The following SLC12A5 variants were observed in gnomAD, a reference collection of about 807,000 sequenced individuals.
SLC12A5 encodes solute carrier family 12 member 5.
A neutral mutation model predicts 124.0 loss-of-function variants in SLC12A5; 18 were observed. The observed-to-expected ratio is 0.15, with a 90% confidence interval of 0.10 to 0.22. SLC12A5 has a LOEUF of 0.22. Ranked by LOEUF, SLC12A5 falls within the 10% of genes least tolerant of loss-of-function variation. The pLI, the probability that SLC12A5 is intolerant of heterozygous loss-of-function variation, is 1.00. For synonymous variants in SLC12A5, 589 were observed against 568.0 expected (o/e 1.04, Z -0.53); for missense variants, 867 against 1,478.7 (o/e 0.59, Z 6.78).
chr20:46,039,389 A>T (rs2084525379), intron 6 of SLC12A5, among the ~76,000 whole-genome samples: 1 of 152,242 alleles, frequency 6.6e-6, no homozygotes, highest in South Asian at 2.1e-4. Flanking sequence ...ACACATTTAT[A>T]AAAATGAGAT....
chr20:46,039,891 AC>A (rs1191820197), intron 6 of SLC12A5, among the ~76,000 whole-genome samples: 1 of 152,188 alleles, frequency 6.6e-6, no homozygotes, highest in Non-Finnish European at 1.5e-5. Flanking sequence ...TGATTTATTC[AC>A]CCAACCTCGA....
intron 15 of SLC12A5, 59 bp from the exon 16 acceptor site, chr20:46,047,922 G>A (rs955608371): frequency 8.1e-6 from 12 of 1,481,010 alleles, no homozygotes; most frequent in Non-Finnish European, 1.1e-5. Flanking sequence ...CAGTGTAGAT[G>A]GTTCTCCCTG....
chr20:46,052,468 G>A (rs1205046741), intron 18 of SLC12A5, among the ~76,000 whole-genome samples: 2 of 152,254 alleles, frequency 1.3e-5, no homozygotes, highest in Admixed American at 1.3e-4. Flanking sequence ...GGGAAGCCAA[G>A]GCAGGTGGAT....
upstream of SLC12A5, among the ~76,000 whole-genome samples, chr20:46,026,410 G>A (rs573941605): frequency 1.3e-4 from 20 of 152,330 alleles, no homozygotes; most frequent in African/African-American, 4.8e-4. Context: ...TGAGCTGTGG[G>A]TCACTTTTTA....
rs1463117299 is a variant in SLC12A5 at position 46,051,742 on chromosome 20, T to C, written c.2249T>C (p.Leu750Ser). The change falls in exon 18 of 26, where the codon TTG (leucine) becomes TCG (serine). Residue 750 changes from leucine to serine, a missense_variant. This residue lies in a region of SLC12A5 where 110 missense variants were observed against 149.9 expected (regional missense o/e 0.73). Coordinates refer to ENST00000243964, the MANE Select transcript of SLC12A5 (RefSeq NM_020708.5). ...TGCCAGGTGGTGATCTCCTCCAACTTGCGTGATGGCGTGTCCCATCTGATC... is the reference window on the plus strand; with the variant it reads ...TGCCAGGTGGTGATCTCCTCCAACTCGCGTGATGGCGTGTCCCATCTGATC... ...GFCQVVISSNLRDGVSHLIQS... is the reference protein window; with the variant it reads ...GFCQVVISSNSRDGVSHLIQS... 6.2e-7 allele frequency: 1 copy of C among 1,611,004 alleles called. No individual in the cohort carries two copies. Among genetic ancestry groups the C allele is most frequent in the Admixed American group, 1.7e-5 (1 of 59,678 alleles).
In SLC12A5 at chr20:46,049,752, T is replaced by C. The variant is rs890647462; in HGVS notation, c.2143T>C (p.Phe715Leu). 4 of 1,602,490 alleles carry C rather than the reference T, an allele frequency of 2.5e-6. No individual in the cohort carries two copies. The African/African-American group carries it at 4.0e-5, about 16-fold the overall frequency. Residue 715 changes from phenylalanine (F) to leucine (L), a missense_variant, in exon 17 of 26, where the codon TTT becomes CTT. Phe to Leu is a conservative substitution (Grantham distance 22, BLOSUM62 0). Coordinates refer to ENST00000243964, the MANE Select transcript of SLC12A5 (RefSeq NM_020708.5). The stretch of plus-strand genomic sequence containing the variant: ...CGTGGGCTCTGTCCTTGAGGGCACC[T>C]TTCTGGAAAATCATCCACAGGCCCA... ...TIVGSVLEGT[F>L]LENHPQAQRA...
chr20:46,035,331 C>A (rs2145482026), intron 2 of SLC12A5, 73 bp from the exon 3 acceptor site: 1 of 1,552,488 alleles, frequency 6.4e-7, no homozygotes, highest in East Asian at 2.3e-5. Context: ...CCCATCTCTT[C>A]CTCTGCCCTT....
At chr20:46,023,673 G>A (rs1414035579), downstream of SLC12A5, 3 of 385,960 alleles carry the variant, frequency 7.8e-6, no homozygotes, top group East Asian at 1.1e-4. Flanking sequence ...TATTCGTTCT[G>A]TAAGTTATAG....
At chr20:46,038,918 C>A (rs529270476) in intron 6 of SLC12A5, among the ~76,000 whole-genome samples, 22 of 152,054 alleles carry the variant, frequency 1.4e-4, no homozygotes, top group Middle Eastern at 3.2e-3. Flanking sequence ...CCTGAGGAGG[C>A]AAATGATGAG....
In SLC12A5 at chr20:46,045,203, C is replaced by T; in HGVS notation, c.1569+63C>T. 6.7e-7 allele frequency: 1 copy of T among 1,501,374 alleles called. No homozygotes were observed. The highest frequency in any genetic ancestry group is 8.9e-7 in the Non-Finnish European group (1 of 1,128,760). The allele number at this position is 1,501,374 out of a possible 1,614,324, so 93.0% of individuals were successfully genotyped here. On this transcript the variant is annotated intron_variant, in intron 12 of 25. Transcript: ENST00000243964. The surrounding 1 kb of genome is among the most constrained non-coding windows in gnomAD (Gnocchi z 4.9). Reference sequence around the variant, plus strand: ...CAGCCAGGCCCCTGCCCAGAGAGACCACACAGTGACCCAGGGCCATAACCA... The same window carrying T: ...CAGCCAGGCCCCTGCCCAGAGAGACTACACAGTGACCCAGGGCCATAACCA...
At chr20:46,043,517 C>T in intron 9 of SLC12A5, 116 bp from the exon 10 acceptor site, 1 of 1,226,392 alleles carries the variant, frequency 8.2e-7, no homozygotes, top group Non-Finnish European at 1.2e-6. Context: ...TCACACAAGC[C>T]AGTATGTTAG....
chr20:46,041,419 A>C lies in SLC12A5; in HGVS notation c.945A>C (p.Thr315=). 3 of 1,614,120 alleles carry C rather than the reference A, an allele frequency of 1.9e-6. No homozygotes were observed. Among genetic ancestry groups the C allele is most frequent in the Non-Finnish European group, 2.5e-6 (3 of 1,180,008 alleles). Residue 315 remains threonine (T), a synonymous_variant, in exon 8 of 26, where the codon ACA becomes ACC. Transcript: ENST00000243964. ...LAWEGNETVT[T]RLWGLFCSSR... is the part of the protein sequence containing the mutation. The stretch of plus-strand genomic sequence containing the variant: ...GGGAAGGAAATGAGACGGTGACCAC[A>C]CGGCTATGGGGCCTTTTCTGCTCCT...
At chr20:46,046,577 C>T (rs1448282779) in intron 14 of SLC12A5, 141 bp downstream of exon 14, 2 of 674,554 alleles carry the variant, frequency 3.0e-6, no homozygotes, top group East Asian at 5.5e-5. Context: ...TTTTGTTGAC[C>T]AACTCACATG....
intron 8 of SLC12A5, 76 bp downstream of exon 8, chr20:46,041,616 C>T: frequency 6.8e-7 from 1 of 1,479,216 alleles, no homozygotes; most frequent in South Asian, 1.2e-5. Context: ...ATTAAGGGGC[C>T]CTCCTTGGGA....
chr20:46,057,319 A>C lies in SLC12A5; in HGVS notation c.3259+16A>C, dbSNP rs1169202336. On this transcript the variant is annotated intron_variant, in intron 25 of 25. Coordinates refer to ENST00000243964, the MANE Select transcript of SLC12A5 (RefSeq NM_020708.5). The surrounding 1 kb of genome is among the most constrained non-coding windows in gnomAD (Gnocchi z 7.1). Reference sequence around the variant, plus strand: ...GATGAAAACTGTATCCTGGAATTAAAATTGGGGGAAAGAGGGAGGTGGACG... The same window carrying C: ...GATGAAAACTGTATCCTGGAATTAACATTGGGGGAAAGAGGGAGGTGGACG... 2 of 1,613,588 alleles carry C rather than the reference A, an allele frequency of 1.2e-6. No homozygotes were observed. Among genetic ancestry groups the C allele is most frequent in the East Asian group, 2.2e-5 (1 of 44,860 alleles).
intron 6 of SLC12A5, 50 bp downstream of exon 6, chr20:46,037,435 A>C: frequency 6.4e-7 from 1 of 1,566,360 alleles, no homozygotes; most frequent in South Asian, 1.2e-5. Context: ...TCAGTCAGTT[A>C]ATCAGTGCTC....
chr20:46,045,683 C>T lies in SLC12A5; in HGVS notation c.1570-195C>T, dbSNP rs549234948. 1.5e-4 allele frequency among the ~76,000 whole-genome samples: 23 copies of T among 152,090 alleles called. No homozygotes were observed. The highest frequency in any genetic ancestry group is 2.1e-4 in the Non-Finnish European group (14 of 68,018). On this transcript the variant is annotated intron_variant, in intron 12 of 25. Transcript: ENST00000243964. This position sits in a 1 kb window ranked among gnomAD's most constrained non-coding sequence, Gnocchi z 4.9. ...TTTGAACTTCATGGCACTGGGGTGC[C>T]GATCTCAGGGTGGGCAAGATGCAGC...
rs1035057549 is a variant in SLC12A5 at position 46,035,511 on chromosome 20, G to A, written c.255G>A (p.Glu85=). ...AGCATGAAGAGGCAGAAAACAATGA[G>A]GGTGGAAAAAAGAAGCCGGTGCAGG... ...SREHEEAENN[E]GGKKKPVQAP... Residue 85 remains glutamate, a synonymous_variant, in exon 3 of 26, where the codon GAG becomes GAA. Transcript: ENST00000243964. 3.7e-6 allele frequency: 6 copies of A among 1,613,882 alleles called. No individual in the cohort carries two copies. Among genetic ancestry groups the A allele is most frequent in the Non-Finnish European group, 5.1e-6 (6 of 1,179,950 alleles).
chr20:46,036,017 A>G (rs1355222537), intron 4 of SLC12A5, 94 bp downstream of exon 4: 1 of 1,426,944 alleles, frequency 7.0e-7, no homozygotes, highest in African/African-American at 1.4e-5. Context: ...ATGAGACCTG[A>G]GCTTTTTATA....
Sources: gnomAD v4.1 joint callset for allele counts (sites outside exome capture counted in the v4.1 genomes callset) on GRCh38, gnomAD v4.1.1 for gene constraint, gnomAD v4.1.1 regional missense constraint, Gnocchi (gnomAD v3.1) non-coding constraint, MANE v1.5 for transcripts, NCBI Gene and HGNC (gene_info 2026-07-23, HGNC 2026-07-21) for gene names.